The following TRMT11 variants were observed in gnomAD, a reference collection of about 807,000 sequenced individuals.
TRMT11 encodes the protein tRNA (guanine(10)-N(2))-methyltransferase TRMT11.
In TRMT11, 53 loss-of-function variants were observed where a neutral mutation model predicts 62.8. The observed-to-expected ratio is 0.84, with a 90% CI of 0.68 to 1.06. TRMT11 has a LOEUF of 1.06. TRMT11 is among the 50% of genes least tolerant of loss of function. The probability of loss-of-function intolerance (pLI) is 0.00; values close to 1 mark genes in which losing one functional copy is unlikely to be tolerated. For synonymous variants in TRMT11, 188 were observed against 190.3 expected, an observed-to-expected ratio of 0.99 and a Z score of 0.10; for missense variants, 556 against 553.4, an observed-to-expected ratio of 1.00 and a Z score of -0.05.
intron 21 of TRMT11, among the ~76,000 whole-genome samples, chr6:126,137,017 A>G (rs866786789): frequency 1.3e-5 from 2 of 151,844 alleles, no homozygotes; most frequent in South Asian, 4.1e-4. Context: ...TTAAATGTAA[A>G]ATCTGAAACT....
intron 1 of TRMT11, among the ~76,000 whole-genome samples, chr6:125,991,296 G>A (rs1790586891): frequency 6.6e-6 from 1 of 151,734 alleles, no homozygotes; most frequent in African/African-American, 2.4e-5. Flanking sequence ...CTGTTTTCCA[G>A]GCTACAGTGC....
At chr6:126,099,868 G>A (rs1777379564) in intron 17 of TRMT11, among the ~76,000 whole-genome samples, 1 of 152,244 alleles carries the variant, frequency 6.6e-6, no homozygotes, top group Admixed American at 6.5e-5. Context: ...AAACTGGAAT[G>A]AGAGAAGAAG....
intron 21 of TRMT11, among the ~76,000 whole-genome samples, chr6:126,117,142 G>A (rs924638482): frequency 1.3e-5 from 2 of 152,136 alleles, no homozygotes; most frequent in East Asian, 1.9e-4. Flanking sequence ...TTGTATCCTC[G>A]CTAAAGAGGT....
intron 21 of TRMT11, among the ~76,000 whole-genome samples, chr6:126,159,733 A>G (rs1174725287): frequency 6.6e-6 from 1 of 152,282 alleles, no homozygotes; most frequent in East Asian, 1.9e-4. Flanking sequence ...GGTCCCTCTG[A>G]AACCTCTAGA....
At chr6:126,184,907 C>G (rs182001520) in intron 1 of TRMT11, among the ~76,000 whole-genome samples, 1 of 152,172 alleles carries the variant, frequency 6.6e-6, no homozygotes, top group Non-Finnish European at 1.5e-5. Flanking sequence ...GAAACAGGGA[C>G]AGCAGCTTGT....
At chr6:126,093,629 A>ATATATATATATT (rs1554236840) in intron 17 of TRMT11, among the ~76,000 whole-genome samples, 1 of 94,040 alleles carries the variant, frequency 1.1e-5, no homozygotes. Context: ...ATATATATAT[A>ATATATATATATT]TATTTTCCCC....
chr6:126,052,969 T>TG (rs1776260864), intron 16 of TRMT11, among the ~76,000 whole-genome samples: 1 of 152,182 alleles, frequency 6.6e-6, no homozygotes, highest in Non-Finnish European at 1.5e-5. Context: ...ATCAGCTTTC[T>TG]GGGGAAGACC....
chr6:126,067,731 A>G (rs1361147349), intron 17 of TRMT11, among the ~76,000 whole-genome samples: 1 of 152,182 alleles, frequency 6.6e-6, no homozygotes, highest in Non-Finnish European at 1.5e-5. Context: ...TACATAAAGT[A>G]TCTCTATTTT....
At chr6:126,094,195 C>G (rs1706406136) in intron 17 of TRMT11, among the ~76,000 whole-genome samples, 1 of 152,120 alleles carries the variant, frequency 6.6e-6, no homozygotes, top group Admixed American at 6.6e-5. Context: ...ATTCTCCTAA[C>G]TATAGCTATT....
the TRMT11 span, among the ~76,000 whole-genome samples, chr6:126,254,064 A>C: frequency 8.5e-5 from 13 of 152,316 alleles, no homozygotes; most frequent in African/African-American, 3.1e-4. Context: ...ACAAAGCACC[A>C]TCCTTGGCCT....
intron 17 of TRMT11, among the ~76,000 whole-genome samples, chr6:126,083,987 G>C (rs1777187515): frequency 6.6e-6 from 1 of 151,970 alleles, no homozygotes; most frequent in Non-Finnish European, 1.5e-5. Flanking sequence ...TTTTCCATTT[G>C]TCCATTGACA....
the TRMT11 span, among the ~76,000 whole-genome samples, chr6:126,271,986 G>A: frequency 2.9e-4 from 44 of 152,204 alleles, no homozygotes; most frequent in East Asian, 8.1e-3. Flanking sequence ...CATTGATATG[G>A]GTTACCATCA....
chr6:126,176,386 T>C (rs887811877), upstream of TRMT11, among the ~76,000 whole-genome samples: 1 of 151,006 alleles, frequency 6.6e-6, no homozygotes, highest in Non-Finnish European at 1.5e-5. Flanking sequence ...CCAGCCATTA[T>C]ACATGACTCT....
At chr6:126,137,367 G>A (rs1470810190) in intron 21 of TRMT11, among the ~76,000 whole-genome samples, 3 of 151,784 alleles carry the variant, frequency 2.0e-5, no homozygotes, top group Non-Finnish European at 2.9e-5. Flanking sequence ...TTTCTCAAAA[G>A]TAGACATACA....
chr6:126,180,127 A>G (rs1300293747), intron 1 of TRMT11, among the ~76,000 whole-genome samples: 3 of 152,204 alleles, frequency 2.0e-5, no homozygotes, highest in African/African-American at 4.8e-5. Context: ...CTTTATAGAC[A>G]AAACTTCAAT....
intron 17 of TRMT11, among the ~76,000 whole-genome samples, chr6:126,106,893 C>G: frequency 6.7e-6 from 1 of 148,792 alleles, no homozygotes. Flanking sequence ...AGATTCTGGC[C>G]ACTGCACTCC....
At chr6:126,244,173 A>AT in the TRMT11 span, among the ~76,000 whole-genome samples, 1 of 151,820 alleles carries the variant, frequency 6.6e-6, no homozygotes, top group Non-Finnish European at 1.5e-5. Context: ...TACTTCCTTC[A>AT]TTAAAAAAAA....
At chr6:125,998,528 G>A (rs1791972798) in intron 5 of TRMT11, 22 bp from the exon 6 acceptor site, 2 of 1,603,576 alleles carry the variant, frequency 1.2e-6, no homozygotes, top group East Asian at 2.2e-5. Context: ...TAAGACATCA[G>A]CATTTCTTTT....
At chr6:126,041,987 C>G (rs1775892094), downstream of TRMT11, among the ~76,000 whole-genome samples, 1 of 152,076 alleles carries the variant, frequency 6.6e-6, no homozygotes, top group Non-Finnish European at 1.5e-5. Context: ...AGATATTTAT[C>G]AAGTAATGTG....
Sources: gnomAD v4.1 joint callset for allele counts (sites outside exome capture counted in the v4.1 genomes callset) on GRCh38, gnomAD v4.1.1 for gene constraint, MANE v1.5 for transcripts, NCBI Gene and HGNC (gene_info 2026-07-23, HGNC 2026-07-21) for gene names.